The following CNTN4 variants were observed in gnomAD, a reference collection of about 807,000 sequenced individuals.
The protein encoded by CNTN4 is contactin 4, also known as contactin-4.
CNTN4 carries 77 observed loss-of-function variants against 122.5 expected under a neutral mutation model. The ratio of observed to expected loss-of-function variants is 0.63; its 90% CI spans 0.52 to 0.76. CNTN4 has a LOEUF of 0.76. CNTN4 is among the 30% of genes least tolerant of loss of function. The pLI, the probability that CNTN4 is intolerant of heterozygous loss-of-function variation, is 0.00. For synonymous variants in CNTN4, 512 were observed against 447.0 expected (o/e 1.15, Z -1.83); for missense variants, 1,256 against 1,259.1 (o/e 1.00, Z 0.04).
intron 6 of CNTN4, among the ~76,000 whole-genome samples, chr3:2,756,325 A>G (rs1380411808): frequency 6.6e-6 from 1 of 152,152 alleles, no homozygotes; most frequent in Non-Finnish European, 1.5e-5. Flanking sequence ...TGTAAATGGG[A>G]TCAGTGCCCT....
chr3:2,410,819 A>T (rs1202146068), intron 3 of CNTN4, among the ~76,000 whole-genome samples: 2 of 152,340 alleles, frequency 1.3e-5, no homozygotes, highest in East Asian at 3.9e-4. Context: ...GTTTCATATT[A>T]AAAGAGCAGT....
intron 2 of CNTN4, among the ~76,000 whole-genome samples, chr3:2,130,538 G>C (rs1435368499): frequency 6.6e-6 from 1 of 152,138 alleles, no homozygotes; most frequent in African/African-American, 2.4e-5. Flanking sequence ...ACTAGAAGTA[G>C]GATATTTGCA....
intron 13 of CNTN4, among the ~76,000 whole-genome samples, chr3:2,946,488 T>C (rs2094679770): frequency 6.6e-6 from 1 of 151,992 alleles, no homozygotes; most frequent in South Asian, 2.1e-4. Flanking sequence ...GCAAGAAGAG[T>C]ATTTAGAATC....
chr3:2,735,262 A>G (rs2088997455), intron 4 of CNTN4, among the ~76,000 whole-genome samples: 2 of 152,236 alleles, frequency 1.3e-5, no homozygotes, highest in Admixed American at 6.5e-5. Flanking sequence ...CTTGATTTTG[A>G]AAAACGAAAA....
intron 4 of CNTN4, among the ~76,000 whole-genome samples, chr3:2,656,403 A>G (rs2083593011): frequency 6.6e-6 from 1 of 152,190 alleles, no homozygotes; most frequent in Non-Finnish European, 1.5e-5. Flanking sequence ...CAGATCCCCT[A>G]TCTGGTTCTC....
At chr3:2,852,534 C>T (rs116417262) in intron 7 of CNTN4, among the ~76,000 whole-genome samples, 1,768 of 152,218 alleles carry the variant, frequency 0.012, 45 homozygotes, top group African/African-American at 0.04. Context: ...TGAGTGCTAC[C>T]ATGTGCTCGA....
chr3:2,702,124 C>A (rs1364614493), intron 4 of CNTN4, among the ~76,000 whole-genome samples: 1 of 152,152 alleles, frequency 6.6e-6, no homozygotes, highest in Non-Finnish European at 1.5e-5. Flanking sequence ...TGCTCAGGAT[C>A]CAAAATCAGA....
chr3:2,889,057 A>G (rs114238108), intron 10 of CNTN4, among the ~76,000 whole-genome samples: 2,285 of 152,236 alleles, frequency 0.015, 24 homozygotes, highest in Non-Finnish European at 0.025. Flanking sequence ...AAAAGGAAGG[A>G]AGGAAGGAAT....
chr3:3,045,794 T>C (rs1203042938), intron 23 of CNTN4, among the ~76,000 whole-genome samples: 3 of 152,100 alleles, frequency 2.0e-5, no homozygotes, highest in African/African-American at 7.2e-5. Flanking sequence ...CTTTGATGAG[T>C]TGAGAGAAGA....
chr3:3,027,968 T>G (rs1307436502), intron 15 of CNTN4, among the ~76,000 whole-genome samples: 1 of 152,206 alleles, frequency 6.6e-6, no homozygotes, highest in Non-Finnish European at 1.5e-5. Flanking sequence ...AATCAACTTC[T>G]GCTGAGAAAT....
At chr3:2,919,827 C>G (rs1014986470) in intron 12 of CNTN4, among the ~76,000 whole-genome samples, 10 of 152,114 alleles carry the variant, frequency 6.6e-5, no homozygotes, top group African/African-American at 2.4e-4. Context: ...AGCTGAAGCC[C>G]TACTTAAAGC....
intron 3 of CNTN4, among the ~76,000 whole-genome samples, chr3:2,469,307 A>G (rs1305324092): frequency 6.6e-6 from 1 of 152,238 alleles, no homozygotes; most frequent in Admixed American, 6.5e-5. Flanking sequence ...GAAGCTATTC[A>G]GACTAAGAAA....
At chr3:2,183,467 G>T (rs1342982040) in intron 2 of CNTN4, among the ~76,000 whole-genome samples, 1 of 151,606 alleles carries the variant, frequency 6.6e-6, no homozygotes, top group African/African-American at 2.4e-5. Flanking sequence ...CTTTTTTTGG[G>T]GCTCATTTTT....
intron 4 of CNTN4, among the ~76,000 whole-genome samples, chr3:2,671,025 A>G (rs2150374843): frequency 6.6e-6 from 1 of 151,966 alleles, no homozygotes. Context: ...TGCCCTTAAC[A>G]TTTTTTCCTT....
chr3:2,383,816 C>G (rs1485677549), intron 3 of CNTN4, among the ~76,000 whole-genome samples: 1 of 151,244 alleles, frequency 6.6e-6, no homozygotes, highest in Admixed American at 6.6e-5. Flanking sequence ...CTCTGTCTCC[C>G]TCTCCTCTCT....
intron 2 of CNTN4, among the ~76,000 whole-genome samples, chr3:2,279,972 G>GAC (rs1559407953): frequency 6.7e-6 from 1 of 149,422 alleles, no homozygotes; most frequent in African/African-American, 2.4e-5. Flanking sequence ...CTTATATATA[G>GAC]AGAGAGAGAT....
At chr3:2,611,089 T>C (rs2081462536) in intron 4 of CNTN4, among the ~76,000 whole-genome samples, 1 of 152,060 alleles carries the variant, frequency 6.6e-6, no homozygotes, top group Non-Finnish European at 1.5e-5. Context: ...TCAATAGATA[T>C]TGTTGCTGTC....
intron 3 of CNTN4, among the ~76,000 whole-genome samples, chr3:2,563,583 T>A (rs971283035): frequency 1.3e-5 from 2 of 152,178 alleles, no homozygotes; most frequent in African/African-American, 4.8e-5. Context: ...GCTGATTTAC[T>A]ACATTGTACT....
chr3:2,519,377 T>A (rs928533909), intron 3 of CNTN4, among the ~76,000 whole-genome samples: 1 of 152,202 alleles, frequency 6.6e-6, no homozygotes, highest in Non-Finnish European at 1.5e-5. Context: ...ATCTACAGAT[T>A]GTCTTGTCTG....
Sources: allele counts gnomAD v4.1 joint callset (sites outside exome capture counted in the v4.1 genomes callset), GRCh38; gene constraint gnomAD v4.1.1; transcripts MANE v1.5; gene names NCBI Gene and HGNC (gene_info 2026-07-23, HGNC 2026-07-21).